Variants in MYH9 observed in about 807,000 individuals in gnomAD.
MYH9 encodes myosin heavy chain 9.
MYH9 carries 29 observed loss-of-function variants against 241.9 expected under a neutral mutation model. The observed-to-expected ratio is 0.12, with a 90% CI of 0.09 to 0.16. The LOEUF is 0.16. MYH9 is among the 10% of genes least tolerant of loss of function. The pLI is 1.00. For synonymous variants in MYH9, 1,047 were observed against 1,062.6 expected (o/e 0.99, Z 0.29); for missense variants, 1,803 against 2,595.5 (o/e 0.69, Z 6.63).
rs1418723567 is a variant in MYH9, at chr22:36,374,979, TC to T, written c.-20+12827del. Reference sequence around the variant, plus strand: ...CCTCCTCCAGGAAGCCTTCTCAGACTCCCCCCTGCCTTCTCCCTGGGTTTCC... The same window carrying T: ...CCTCCTCCAGGAAGCCTTCTCAGACTCCCCCTGCCTTCTCCCTGGGTTTCC... On this transcript the variant is annotated intron_variant, in intron 1 of 40. Coordinates refer to ENST00000216181, the MANE Select transcript of MYH9 (RefSeq NM_002473.6). Among the ~76,000 whole-genome samples the T allele has an allele frequency of 4.6e-5, 7 of 151,988 alleles. No individual in the cohort carries two copies. In the South Asian group the frequency reaches 1.2e-3, roughly 27 times the overall value.
rs1453461469 is a variant in MYH9 at position 36,288,078 on chromosome 22, C to T, written c.4932+174G>A. 6.6e-6 allele frequency among the ~76,000 whole-genome samples: 1 copy of T among 152,240 alleles called. No individual in the cohort carries two copies. The highest frequency in any genetic ancestry group is 1.5e-5 in the Non-Finnish European group (1 of 68,042). On this transcript the variant is annotated intron_variant, in intron 34 of 40. Transcript: ENST00000216181. The surrounding 1 kb of genome is among the most constrained non-coding windows in gnomAD (Gnocchi z 4.8). ...TTGCTGTTGGACTATCATGTTTCCA[C>T]TCACCTCTGAGCCTCTGAGTCTCTG... is the stretch of plus-strand genomic sequence containing the variant.
At chr22:36,301,154 A>C in intron 21 of MYH9, 97 bp from the exon 22 acceptor site, 1 of 1,184,176 alleles carries the variant, frequency 8.4e-7, no homozygotes, top group Admixed American at 1.8e-5. Context: ...CCAGAGGGAA[A>C]GGAACATGCA....
rs1235014094 is a variant in MYH9, at chr22:36,294,964, C to A, written c.3598G>T (p.Glu1200Ter). The A allele has an allele frequency of 4.3e-6, 7 of 1,614,028 alleles. No individual in the cohort carries two copies. In the East Asian group the frequency reaches 1.3e-4, roughly 31 times the overall value. The change falls in exon 27 of 41, where the codon GAG (glutamate) becomes TAG (stop). Residue 1200 changes from glutamate to a stop codon, truncating the protein, a stop_gained. Coordinates refer to ENST00000216181, the MANE Select transcript of MYH9 (RefSeq NM_002473.6). LOFTEE classifies it high-confidence loss of function. Reference protein sequence around the residue: ...MRQKHSQAVEELAEQLEQTKR... With the variant: ...MRQKHSQAVE ...GTCTGCTCCAGCTGCTCCGCCAGCT[C>A]CTCCACGGCCTGTGAGTGCTTCTGC...
intron 1 of MYH9, among the ~76,000 whole-genome samples, chr22:36,381,709 C>A (rs920826487): frequency 6.6e-6 from 1 of 152,110 alleles, no homozygotes; most frequent in Non-Finnish European, 1.5e-5. Context: ...GTGTTTTTCA[C>A]TTACAACATA....
intron 3 of MYH9, among the ~76,000 whole-genome samples, chr22:36,338,627 GA>G (rs960950569): frequency 7.2e-5 from 11 of 151,940 alleles, no homozygotes; most frequent in African/African-American, 2.7e-4. Context: ...AGACCAGCCT[GA>G]CCAACATGGT....
At chr22:36,289,340 C>A (rs1454809455) in intron 31 of MYH9, 43 bp from the exon 32 acceptor site, 1 of 1,561,806 alleles carries the variant, frequency 6.4e-7, no homozygotes, top group Non-Finnish European at 8.7e-7. Context: ...GCTACGGCCC[C>A]CAGCAGGGCA....
At chr22:36,321,168 C>T (rs569218329) in intron 7 of MYH9, among the ~76,000 whole-genome samples, 312 of 152,304 alleles carry the variant, frequency 2.0e-3, no homozygotes, top group Non-Finnish European at 3.2e-3. Flanking sequence ...TGGTCTTGAA[C>T]TCCTGACCTC....
At chr22:36,332,454 C>T (rs1380835532) in intron 3 of MYH9, among the ~76,000 whole-genome samples, 2 of 152,182 alleles carry the variant, frequency 1.3e-5, no homozygotes, top group South Asian at 2.1e-4. Context: ...AGTGTGCCCT[C>T]CAGGCCACCA....
intron 25 of MYH9, among the ~76,000 whole-genome samples, chr22:36,296,385 C>T (rs1311444547): frequency 1.3e-5 from 2 of 152,120 alleles, no homozygotes; most frequent in Non-Finnish European, 2.9e-5. Flanking sequence ...CAGTCGTGTG[C>T]CACCACACTG....
At chr22:36,327,293 A>T (rs1328071302) in intron 4 of MYH9, among the ~76,000 whole-genome samples, 168 bp downstream of exon 4, 1 of 152,178 alleles carries the variant, frequency 6.6e-6, no homozygotes, top group East Asian at 1.9e-4. Context: ...GGGACCACTG[A>T]GTAGCAAACA....
At chr22:36,294,818 A>T in intron 27 of MYH9, 114 bp downstream of exon 27, 2 of 1,448,102 alleles carry the variant, frequency 1.4e-6, no homozygotes, top group Non-Finnish European at 1.9e-6. Flanking sequence ...GCCTGGCCTC[A>T]GAACCAGGCA....
At chr22:36,322,704 G>A (rs1279279234) in intron 5 of MYH9, among the ~76,000 whole-genome samples, 183 bp from the exon 6 acceptor site, 1 of 152,266 alleles carries the variant, frequency 6.6e-6, no homozygotes, top group Non-Finnish European at 1.5e-5. Context: ...TCATCCAAGT[G>A]CGGCCTTCCC....
Position 36,285,112 on chromosome 22 carries a change from G to A in MYH9, c.5483+9C>T, listed in dbSNP as rs1569534658. The A allele has an allele frequency of 1.2e-6, 2 of 1,613,446 alleles. No individual in the cohort carries two copies. Among genetic ancestry groups the A allele is most frequent in the Admixed American group, 1.7e-5 (1 of 60,028 alleles). ...ACAGCTGGGGTTGGGCGGGGCCAGG[G>A]GCACGTACTTGGTCTCGTTGTCCAG... is the stretch of plus-strand genomic sequence containing the variant. On this transcript the variant is annotated intron_variant, in intron 38 of 40. Coordinates refer to ENST00000216181, the MANE Select transcript of MYH9 (RefSeq NM_002473.6). The surrounding 1 kb of genome is among the most constrained non-coding windows in gnomAD (Gnocchi z 7.0).
intron 2 of MYH9, 22 bp from the exon 3 acceptor site, chr22:36,341,548 A>G: frequency 6.2e-7 from 1 of 1,612,694 alleles, no homozygotes; most frequent in Non-Finnish European, 8.5e-7. Context: ...AGCGGCAGAT[A>G]GGAACAGGTT....
intron 1 of MYH9, among the ~76,000 whole-genome samples, chr22:36,355,164 G>A (rs1183073760): frequency 6.6e-6 from 1 of 152,146 alleles, no homozygotes; most frequent in East Asian, 1.9e-4. Context: ...TCCTGCGGGT[G>A]CCAGTCCAAC....
chr22:36,302,598 C>T lies in MYH9; in HGVS notation c.2469G>A (p.Arg823=), dbSNP rs1401995187. ...QRNCAAYLKL[R]NWQWWRLFTK... is the part of the protein sequence containing the mutation. ...TGAAGAGCCGCCACCACTGCCAGTT[C>T]CGCAGCTTCAGGTAGGCAGCGCAGT... is the stretch of plus-strand genomic sequence containing the variant. Residue 823 remains arginine, a synonymous_variant, in exon 20 of 41, where the codon CGG becomes CGA. Coordinates refer to ENST00000216181, the MANE Select transcript of MYH9 (RefSeq NM_002473.6). 6.2e-7 allele frequency: 1 copy of T among 1,613,542 alleles called. No homozygotes were observed. The highest frequency in any genetic ancestry group is 1.3e-5 in the African/African-American group (1 of 75,064).
rs181431876 is a variant in MYH9, at chr22:36,330,987, G to A, written c.491-3499C>T. On this transcript the variant is annotated intron_variant, in intron 3 of 40. Coordinates refer to ENST00000216181, the MANE Select transcript of MYH9 (RefSeq NM_002473.6). This position sits in a 1 kb window ranked among gnomAD's most constrained non-coding sequence, Gnocchi z 4.5. ...GTTTTCAGACTTTTCAAAAAGCAGC[G>A]GCAGTCCTTCCTCAGATAAAATCTT... 3.9e-5 allele frequency among the ~76,000 whole-genome samples: 6 copies of A among 152,216 alleles called. No individual in the cohort carries two copies. The highest frequency in any genetic ancestry group is 7.3e-5 in the Non-Finnish European group (5 of 68,032).
Position 36,293,507 on chromosome 22 carries a change from G to A in MYH9, c.3943-26C>T, listed in dbSNP as rs369853878. 8 of 1,611,072 alleles carry A rather than the reference G, an allele frequency of 5.0e-6. No homozygotes were observed. The highest frequency in any genetic ancestry group is 2.7e-5 in the African/African-American group (2 of 74,870). The stretch of plus-strand genomic sequence containing the variant: ...CTACTCGCGGGTTGAGAGGGGTGCG[G>A]GTGCTTAGGAGGGTGGTGTCCAAAA... On this transcript the variant is annotated intron_variant, in intron 29 of 40. Coordinates refer to ENST00000216181, the MANE Select transcript of MYH9 (RefSeq NM_002473.6). This position sits in a 1 kb window ranked among gnomAD's most constrained non-coding sequence, Gnocchi z 5.1.
Position 36,320,155 on chromosome 22 carries a change from C to CT in MYH9, c.1012+64_1012+65insA, listed in dbSNP as rs1247172421. 10 of 1,554,466 alleles carry CT rather than the reference C, an allele frequency of 6.4e-6. No homozygotes were observed. The East Asian group carries it at 2.2e-4, about 35-fold the overall frequency. The stretch of plus-strand genomic sequence containing the variant: ...CCAGGCCCATCGGCTACCCTGATGC[C>CT]CCGAGGCCGTGGGTACCAGCCTTCC... On this transcript the variant is annotated intron_variant, in intron 9 of 40. Transcript: ENST00000216181. The surrounding 1 kb of genome is among the most constrained non-coding windows in gnomAD (Gnocchi z 4.8).
Sources: allele counts gnomAD v4.1 joint callset (sites outside exome capture counted in the v4.1 genomes callset), GRCh38; gene constraint gnomAD v4.1.1; non-coding constraint Gnocchi (gnomAD v3.1); transcripts MANE v1.5; gene names NCBI Gene and HGNC (gene_info 2026-07-23, HGNC 2026-07-21).